Variants in URI1 observed in about 807,000 individuals in gnomAD.
URI1 encodes the protein URI1 prefoldin like chaperone.
A neutral mutation model predicts 60.2 loss-of-function variants in URI1; 39 were observed. The ratio of observed to expected loss-of-function variants is 0.65; its 90% CI spans 0.50 to 0.85. The LOEUF (loss-of-function observed/expected upper bound fraction) is 0.85, where lower values mean the gene tolerates loss of function less well. Among genes scored for constraint, URI1 ranks in the 40% least tolerant of loss-of-function variants. The pLI, the probability that URI1 is intolerant of heterozygous loss-of-function variation, is 0.00. For synonymous variants in URI1, 251 were observed against 236.8 expected, an observed-to-expected ratio of 1.06 and a Z score of -0.55; for missense variants, 691 against 665.9, an observed-to-expected ratio of 1.04 and a Z score of -0.42.
At chr19:29,992,526 T>C (rs553120409) in intron 4 of URI1, among the ~76,000 whole-genome samples, 1 of 152,344 alleles carries the variant, frequency 6.6e-6, no homozygotes, top group South Asian at 2.1e-4. Context: ...TTGTTACCCT[T>C]TCTTGTCCTC....
intron 1 of URI1, chr19:29,956,260 G>T: frequency 1.5e-6 from 1 of 656,702 alleles, no homozygotes; most frequent in Non-Finnish European, 2.4e-6. Flanking sequence ...ACAGGCATGA[G>T]CCACGGCGCC....
intron 1 of URI1, chr19:29,956,648 G>A (rs999400765): frequency 1.2e-5 from 19 of 1,521,458 alleles, no homozygotes; most frequent in Admixed American, 5.0e-5. Flanking sequence ...AAGAAATTTC[G>A]GATTTCAACA....
At chr19:30,007,384 C>A in intron 6 of URI1, 86 bp from the exon 7 acceptor site, 1 of 1,433,934 alleles carries the variant, frequency 7.0e-7, no homozygotes, top group Non-Finnish European at 9.4e-7. Flanking sequence ...ATTTCCCTTG[C>A]CCCAAAAGAA....
intron 4 of URI1, among the ~76,000 whole-genome samples, chr19:29,990,694 G>A (rs2055735373): frequency 6.6e-6 from 1 of 152,122 alleles, no homozygotes; most frequent in African/African-American, 2.4e-5. Context: ...GAGAGTAGTG[G>A]CTGCTTAGGG....
At chr19:29,925,509 T>C (rs529188638) in intron 1 of URI1, 1 of 152,218 alleles carries the variant, frequency 6.6e-6, no homozygotes, top group African/African-American at 2.4e-5. Flanking sequence ...ATGCTTATAA[T>C]GATCACCCTC....
intron 1 of URI1, among the ~76,000 whole-genome samples, chr19:29,955,661 C>CTTTTTTTT (rs11330190): frequency 1.4e-5 from 2 of 147,718 alleles, no homozygotes; most frequent in Non-Finnish European, 3.0e-5. Flanking sequence ...TTTTTCTTTT[C>CTTTTTTTT]TTTTTTTTTT....
At chr19:29,946,270 C>T (rs1315006630) in intron 1 of URI1, among the ~76,000 whole-genome samples, 1 of 152,152 alleles carries the variant, frequency 6.6e-6, no homozygotes, top group African/African-American at 2.4e-5. Context: ...TGTGGAGTGT[C>T]TTGGGCTGTT....
At chr19:29,986,625 T>G (rs2055674076) in intron 4 of URI1, among the ~76,000 whole-genome samples, 1 of 152,196 alleles carries the variant, frequency 6.6e-6, no homozygotes, top group African/African-American at 2.4e-5. Context: ...AAATGTCACC[T>G]ACATTGGCAT....
chr19:29,974,078 G>A (rs2055491530), intron 2 of URI1, among the ~76,000 whole-genome samples: 1 of 152,068 alleles, frequency 6.6e-6, no homozygotes, highest in South Asian at 2.1e-4. Flanking sequence ...GGCATTTGGA[G>A]TCACAGACCT....
At chr19:29,923,894 A>T (rs2054843376) in intron 1 of URI1, 1 of 844,150 alleles carries the variant, frequency 1.2e-6, no homozygotes, top group South Asian at 1.7e-5. Flanking sequence ...ATAGACCTGG[A>T]AGAGGGGCTT....
At chr19:29,959,578 T>G (rs1273279737) in intron 1 of URI1, among the ~76,000 whole-genome samples, 1 of 152,234 alleles carries the variant, frequency 6.6e-6, no homozygotes, top group Non-Finnish European at 1.5e-5. Flanking sequence ...CTGTTTCTAG[T>G]TATATCATTT....
intron 4 of URI1, 141 bp from the exon 5 acceptor site, chr19:30,005,220 A>G (rs759003440): frequency 5.5e-6 from 3 of 547,732 alleles, no homozygotes; most frequent in Non-Finnish European, 9.8e-6. Flanking sequence ...TTAAAAGTCC[A>G]TTTAAAAGGA....
chr19:29,939,023 G>T (rs1325339358), upstream of URI1, among the ~76,000 whole-genome samples: 1 of 149,720 alleles, frequency 6.7e-6, no homozygotes, highest in Non-Finnish European at 1.5e-5. Context: ...TGTTGCCCAG[G>T]CTGGGGTGCA....
At chr19:29,950,293 C>T (rs982490774) in intron 1 of URI1, among the ~76,000 whole-genome samples, 5 of 152,190 alleles carry the variant, frequency 3.3e-5, no homozygotes, top group African/African-American at 1.2e-4. Flanking sequence ...TGCGTGGAAT[C>T]TGTGATTTGG....
chr19:29,994,460 A>G (rs375355149), intron 4 of URI1, among the ~76,000 whole-genome samples: 1 of 151,896 alleles, frequency 6.6e-6, no homozygotes, highest in Non-Finnish European at 1.5e-5. Flanking sequence ...GGTAACCACT[A>G]TTCTACTTTC....
chr19:29,987,511 T>C (rs1265032279), intron 4 of URI1, among the ~76,000 whole-genome samples: 3 of 152,234 alleles, frequency 2.0e-5, no homozygotes, highest in African/African-American at 7.2e-5. Flanking sequence ...TGCTGCATTA[T>C]TTTTGTCATG....
At chr19:29,943,457 G>C (rs1166505533) in intron 1 of URI1, among the ~76,000 whole-genome samples, 5 of 152,124 alleles carry the variant, frequency 3.3e-5, no homozygotes, top group Admixed American at 6.5e-5. Context: ...CAAGTGTCTT[G>C]AAATTGTTAC....
At chr19:29,953,375 A>G (rs1413467524) in intron 1 of URI1, among the ~76,000 whole-genome samples, 1 of 152,140 alleles carries the variant, frequency 6.6e-6, no homozygotes, top group Non-Finnish European at 1.5e-5. Context: ...AATTTATTGG[A>G]CTTCATTGGT....
At chr19:29,960,024 C>T (rs1432804479) in intron 1 of URI1, among the ~76,000 whole-genome samples, 2 of 152,028 alleles carry the variant, frequency 1.3e-5, no homozygotes, top group Non-Finnish European at 2.9e-5. Flanking sequence ...ATGTCATTTT[C>T]CTTATCAGTC....
Sources: gnomAD v4.1 joint callset for allele counts (sites outside exome capture counted in the v4.1 genomes callset) on GRCh38, gnomAD v4.1.1 for gene constraint, MANE v1.5 for transcripts, NCBI Gene and HGNC (gene_info 2026-07-23, HGNC 2026-07-21) for gene names.